The following CCDC17 variants were observed in gnomAD, a reference collection of about 807,000 sequenced individuals.
CCDC17 encodes coiled-coil domain-containing protein 17.
Under a neutral mutation model 68.0 loss-of-function variants are expected in CCDC17, and 79 were observed. That is an observed-to-expected ratio of 1.16 (90% CI 0.97 to 1.40). CCDC17 has a LOEUF of 1.40. Ranked by LOEUF, CCDC17 falls within the 40% of genes most tolerant of loss-of-function variation. The pLI, the probability that CCDC17 is intolerant of heterozygous loss-of-function variation, is 0.00. For missense variants in CCDC17, 846 were observed against 811.5 expected, an observed-to-expected ratio of 1.04 and a Z score of -0.52; for synonymous variants, 376 against 337.5, an observed-to-expected ratio of 1.11 and a Z score of -1.25.
Position 45,622,972 on chromosome 1 carries a change from C to T in CCDC17, c.639G>A (p.Glu213=), listed in dbSNP as rs1190739428. ...ALEVLGARIQ[E]LQAEPGNPLS... ...GGTCTCACCCTGGCTCCGCCTGCAG[C>T]TCCTGAATGCGGGCCCCCAACACCT... Residue 213 remains glutamate (E), a synonymous_variant, in exon 4 of 13, where the codon GAG becomes GAA. Transcript: ENST00000528266. 15 of 1,601,478 alleles carry T rather than the reference C, an allele frequency of 9.4e-6. No homozygotes were observed. The highest frequency in any genetic ancestry group is 1.3e-5 in the African/African-American group (1 of 74,566).
chr1:45,621,411 C>T lies in CCDC17; in HGVS notation c.1258G>A (p.Gly420Ser), dbSNP rs775163948. 32 of 1,597,562 alleles carry T rather than the reference C, an allele frequency of 2.0e-5. No individual in the cohort carries two copies. Among genetic ancestry groups the T allele is most frequent in the African/African-American group, 2.7e-5 (2 of 74,488 alleles). The change falls in exon 10 of 13, where the codon GGC (glycine) becomes AGC (serine). Residue 420 changes from glycine (G) to serine (S), a missense_variant. By Grantham distance (56) the Gly-to-Ser change is moderately conservative. Coordinates refer to ENST00000528266, the MANE Select transcript of CCDC17 (RefSeq NM_001114938.3). ...GTATCCCGTCCATCGCGTGCCAAGC[C>T]AGTCCTTAGTTGCACCCAAATCCAG... is the stretch of plus-strand genomic sequence containing the variant. ...ASWIWVQLRT[G>S]LARDGRDTGR...
chr1:45,621,713 G>T lies in CCDC17; in HGVS notation c.1109C>A (p.Thr370Asn), dbSNP rs778990176. The change falls in exon 9 of 13, where the codon ACC becomes AAC. Residue 370 changes from threonine (T) to asparagine (N), a missense_variant. Transcript: ENST00000528266. ...GTGTGAGTCCAGGCCCAGGTTTCTGGTCATTGTTCCAGGAAGCTGTGGCTG... is the reference window on the plus strand; with the variant it reads ...GTGTGAGTCCAGGCCCAGGTTTCTGTTCATTGTTCCAGGAAGCTGTGGCTG... ...FSEPQLPGTM[T>N]RNLGLDSHFL... The T allele has an allele frequency of 2.5e-6, 4 of 1,613,858 alleles. No individual in the cohort carries two copies. The highest frequency in any genetic ancestry group is 3.4e-6 in the Non-Finnish European group (4 of 1,179,838).
rs1644374660 is a variant in CCDC17, at chr1:45,624,013, G to C, written c.-104C>G. 2.4e-6 allele frequency: 2 copies of C among 819,994 alleles called. No individual in the cohort carries two copies. Among genetic ancestry groups the C allele is most frequent in the Non-Finnish European group, 3.8e-6 (2 of 527,050 alleles). 50.8% of individuals were successfully genotyped at this position (819,994 alleles called of 1,614,324 possible). On this transcript the variant is annotated 5_prime_UTR_variant, in exon 1 of 13. Transcript: ENST00000528266. ...AGAGACATAAAGCCAGAGGCAGAGA[G>C]GAAAGGCCGTGTCTATTAGGTCTGT...
rs1214242569 is a variant in CCDC17 at position 45,621,213 on chromosome 1, A to T, written c.1388+68T>A. 5.2e-6 allele frequency: 8 copies of T among 1,543,478 alleles called. No individual in the cohort carries two copies. The African/African-American group carries it at 1.1e-4, about 21-fold the overall frequency. On this transcript the variant is annotated intron_variant, in intron 10 of 12. Transcript: ENST00000528266. ...GCGGCCTCTGTATACAGATGAGAAA[A>T]CTTAGCAGAATGGTGGATAAGCCTC...
At chr1:45,622,495 G>C in intron 6 of CCDC17, 54 bp downstream of exon 6, 1 of 1,521,704 alleles carries the variant, frequency 6.6e-7, no homozygotes, top group Non-Finnish European at 8.9e-7. Flanking sequence ...CCTCCCTCGA[G>C]TTCTTTTCTC....
chr1:45,621,212 A>C, intron 10 of CCDC17, 69 bp downstream of exon 10: 1 of 1,543,618 alleles, frequency 6.5e-7, no homozygotes, highest in Non-Finnish European at 8.8e-7. Context: ...CAGATGAGAA[A>C]ACTTAGCAGA....
intron 12 of CCDC17, 85 bp from the exon 13 acceptor site, chr1:45,620,518 TCTCA>T: frequency 6.8e-7 from 1 of 1,467,464 alleles, no homozygotes; most frequent in Non-Finnish European, 9.0e-7. Context: ...TTCCTTAGAG[TCTCA>T]CTTACTGTGA....
Position 45,621,400 on chromosome 1 carries a change from G to T in CCDC17, c.1269C>A (p.Arg423=). 1 of 1,595,346 alleles carries T rather than the reference G, an allele frequency of 6.3e-7. No individual in the cohort carries two copies. Among genetic ancestry groups the T allele is most frequent in the Non-Finnish European group, 8.5e-7 (1 of 1,171,602 alleles). ...IWVQLRTGLA[R]DGRDTGRTTA... ...TGGTCCTTCCTGTATCCCGTCCATC[G>T]CGTGCCAAGCCAGTCCTTAGTTGCA... Residue 423 remains arginine (R), a synonymous_variant, in exon 10 of 13, where the codon CGC becomes CGA. Coordinates refer to ENST00000528266, the MANE Select transcript of CCDC17 (RefSeq NM_001114938.3).
intron 6 of CCDC17, 48 bp from the exon 7 acceptor site, chr1:45,622,396 C>A (rs566444933): frequency 6.5e-7 from 1 of 1,546,854 alleles, no homozygotes; most frequent in Non-Finnish European, 8.8e-7. Context: ...TGGTGACTGG[C>A]CGCGTCCGGC....
Position 45,620,846 on chromosome 1 carries a change from G to T in CCDC17, c.1600-13C>A. The T allele has an allele frequency of 6.2e-7, 1 of 1,610,262 alleles. No individual in the cohort carries two copies. The highest frequency in any genetic ancestry group is 2.2e-5 in the East Asian group (1 of 44,792). The stretch of plus-strand genomic sequence containing the variant: ...CAGCCTGACCTGCCTGGGGAGAGAT[G>T]AAATGGTATTGCACTTGTACTTTGC... On this transcript the variant is annotated splice_polypyrimidine_tract_variant and intron_variant, in intron 11 of 12. Transcript: ENST00000528266.
rs778774684 is a variant in CCDC17 at position 45,622,840 on chromosome 1, G to A, written c.657-6C>T. 4 of 1,594,308 alleles carry A rather than the reference G, an allele frequency of 2.5e-6. No individual in the cohort carries two copies. The highest frequency in any genetic ancestry group is 1.7e-5 in the Admixed American group (1 of 57,330). On this transcript the variant is annotated splice_region_variant and splice_polypyrimidine_tract_variant and intron_variant, in intron 4 of 12. Coordinates refer to ENST00000528266, the MANE Select transcript of CCDC17 (RefSeq NM_001114938.3). ...GCCGGGAGCTCAGCGGGTTCCTGGG[G>A]TGGCAGGCGACGCGCAGGGAGACGG...
In CCDC17 at chr1:45,623,802, GC is replaced by G; in HGVS notation, c.107del (p.Gly36AlafsTer7). ...CAAATGTCATCTCTTGGGTCGGGTG[GC>G]CAATGCAGAAGCGCTGAGTATGGGT... ...LATHTQRFCIGHPTQEMTFGA... is the reference protein window; with the variant it reads ...LATHTQRFCIXHPTQEMTFGA... On this transcript the variant is annotated frameshift_variant, in exon 1 of 13. Coordinates refer to ENST00000528266, the MANE Select transcript of CCDC17 (RefSeq NM_001114938.3). LOFTEE classifies it high-confidence loss of function. The G allele has an allele frequency of 6.4e-7, 1 of 1,551,638 alleles. No homozygotes were observed. The highest frequency in any genetic ancestry group is 8.7e-7 in the Non-Finnish European group (1 of 1,146,938).
rs1644372130 is a variant in CCDC17 at position 45,623,925 on chromosome 1, T to C, written c.-16A>G. On this transcript the variant is annotated 5_prime_UTR_variant, in exon 1 of 13. Coordinates refer to ENST00000528266, the MANE Select transcript of CCDC17 (RefSeq NM_001114938.3). ...GGGAGTCCATGGGATGGGACCCGTT[T>C]CCTGAAACCAGCCAAGACCTGCAGA... 2 of 1,482,060 alleles carry C rather than the reference T, an allele frequency of 1.3e-6. No individual in the cohort carries two copies. The highest frequency in any genetic ancestry group is 2.5e-5 in the Admixed American group (1 of 39,600). The allele number at this position is 1,482,060 out of a possible 1,614,324, so 91.8% of individuals were successfully genotyped here. A position where few individuals can be genotyped will look rare whatever the true frequency, so the allele number is the denominator to read the frequency against.
Position 45,622,313 on chromosome 1 carries a change from C to T in CCDC17, c.895G>A (p.Val299Met). 6.2e-7 allele frequency: 1 copy of T among 1,611,088 alleles called. No individual in the cohort carries two copies. ...AGATSGELPV[V>M]EAENRRLEAE... is the part of the protein sequence containing the mutation. ...TCCAAGCGCCGGTTTTCAGCCTCCA[C>T]TACTGGAAGCTCCCCTGAGGTGGCA... The change falls in exon 7 of 13, where the codon GTG (valine) becomes ATG (methionine). Residue 299 changes from valine (V) to methionine (M), a missense_variant. Physicochemically the swap from Val to Met is conservative, Grantham distance 21 (BLOSUM62 1). Transcript: ENST00000528266.
rs367850607 is a variant in CCDC17, at chr1:45,621,648, A to G, written c.1174T>C (p.Tyr392His). The change falls in exon 9 of 13, where the codon TAT becomes CAT. Residue 392 changes from tyrosine to histidine, a missense_variant. Physicochemically the swap from Tyr to His is moderately conservative, Grantham distance 83. Transcript: ENST00000528266. ...PTSDMLGPAP[Y>H]DPGAGLVIFY... is the part of the protein sequence containing the mutation. ...TGGCACGGGCCTCACCCAGGATCAT[A>G]GGGTGCAGGGCCCAGCATGTCCGAT... is the stretch of plus-strand genomic sequence containing the variant. The G allele has an allele frequency of 1.4e-5, 23 of 1,613,744 alleles. No homozygotes were observed. The East Asian group carries it at 3.8e-4, about 27-fold the overall frequency.
At position 45,620,961 on chromosome 1, in the gene CCDC17, A is replaced by G. The variant is rs1365894029; in HGVS notation, c.1541T>C (p.Leu514Pro). Reference protein sequence around the residue: ...RVLSGRWRLPLRALPLDPSLS... With the variant: ...RVLSGRWRLPPRALPLDPSLS... ...GCTGGGGTCCAGAGGAAGGGCCCGA[A>G]GTGGGAGGCGCCAGCGGCCACTTAG... The change falls in exon 11 of 13, where the codon CTT (leucine) becomes CCT (proline). Residue 514 changes from leucine to proline, a missense_variant. Physicochemically the swap from Leu to Pro is moderately conservative, Grantham distance 98. Coordinates refer to ENST00000528266, the MANE Select transcript of CCDC17 (RefSeq NM_001114938.3). 1.1e-5 allele frequency: 18 copies of G among 1,613,790 alleles called. No individual in the cohort carries two copies. The highest frequency in any genetic ancestry group is 1.5e-5 in the Non-Finnish European group (18 of 1,179,856).
In CCDC17 at chr1:45,623,325, C is replaced by G; in HGVS notation, c.385G>C (p.Glu129Gln). The change falls in exon 3 of 13, where the codon GAG (glutamate) becomes CAG (glutamine). Residue 129 changes from glutamate to glutamine, a missense_variant. Transcript: ENST00000528266. ...SEARPQSPMS[E>Q]AVGSPSERLR... ...CGCTCGCTGGGGCTTCCCACCGCCT[C>G]GGACATGGGACTCTGAGGCCGCGCC... 1 of 1,550,500 alleles carries G rather than the reference C, an allele frequency of 6.4e-7. No individual in the cohort carries two copies. Among genetic ancestry groups the G allele is most frequent in the Non-Finnish European group, 8.7e-7 (1 of 1,146,964 alleles).
intron 3 of CCDC17, 24 bp downstream of exon 3, chr1:45,623,193 G>A: frequency 6.5e-7 from 1 of 1,541,494 alleles, no homozygotes; most frequent in Non-Finnish European, 8.8e-7. Flanking sequence ...GAGGTCCTTG[G>A]TCCCCGTCCC....
rs746935513 is a variant in CCDC17, at chr1:45,622,297, C to T, written c.911G>A (p.Arg304Gln). 20 of 1,612,262 alleles carry T rather than the reference C, an allele frequency of 1.2e-5. No individual in the cohort carries two copies. The highest frequency in any genetic ancestry group is 2.2e-5 in the East Asian group (1 of 44,878). ...GELPVVEAEN[R>Q]RLEAEILALQ... ...GGCCAAGATTTCTGCCTCCAAGCGCCGGTTTTCAGCCTCCACTACTGGAAG... is the reference window on the plus strand; with the variant it reads ...GGCCAAGATTTCTGCCTCCAAGCGCTGGTTTTCAGCCTCCACTACTGGAAG... The change falls in exon 7 of 13, where the codon CGG (arginine) becomes CAG (glutamine). Residue 304 changes from arginine to glutamine, a missense_variant. By Grantham distance (43) the Arg-to-Gln change is conservative. Coordinates refer to ENST00000528266, the MANE Select transcript of CCDC17 (RefSeq NM_001114938.3).
Sources: gnomAD v4.1 joint callset for allele counts on GRCh38, gnomAD v4.1.1 for gene constraint, MANE v1.5 for transcripts, NCBI Gene and HGNC (gene_info 2026-07-23, HGNC 2026-07-21) for gene names.